EFEMP1: variants seen among roughly 807,000 people sequenced by gnomAD.
The protein encoded by EFEMP1 is EGF-like fibulin extracellular matrix protein 1.
In EFEMP1, 18 loss-of-function variants were observed where a neutral mutation model predicts 65.7. The ratio of observed to expected loss-of-function variants is 0.27; its 90% CI spans 0.19 to 0.41. EFEMP1 has a LOEUF of 0.41. Ranked by LOEUF, EFEMP1 falls within the 10% of genes least tolerant of loss-of-function variation. The pLI is 1.00. For synonymous variants in EFEMP1, 237 were observed against 219.7 expected, an observed-to-expected ratio of 1.08 and a Z score of -0.70; for missense variants, 469 against 624.8, an observed-to-expected ratio of 0.75 and a Z score of 2.66.
intron 5 of EFEMP1, among the ~76,000 whole-genome samples, chr2:55,916,820 G>A (rs975092118): frequency 6.6e-6 from 1 of 152,192 alleles, no homozygotes; most frequent in Non-Finnish European, 1.5e-5. Context: ...CAATCTCATA[G>A]CACAGTTCAG....
chr2:55,899,148 C>T (rs1321487978), intron 5 of EFEMP1, among the ~76,000 whole-genome samples: 1 of 152,228 alleles, frequency 6.6e-6, no homozygotes, highest in Non-Finnish European at 1.5e-5. Flanking sequence ...CTGGTGGCAG[C>T]ACCAATTCCT....
chr2:55,882,329 T>A (rs1311136352), intron 5 of EFEMP1, among the ~76,000 whole-genome samples: 1 of 115,432 alleles, frequency 8.7e-6, no homozygotes, highest in Non-Finnish European at 1.9e-5. Context: ...TATAAATCTT[T>A]CATTGCAAAT....
At chr2:55,909,917 C>A (rs1252751304) in intron 5 of EFEMP1, among the ~76,000 whole-genome samples, 2 of 152,168 alleles carry the variant, frequency 1.3e-5, no homozygotes, top group Non-Finnish European at 2.9e-5. Context: ...TAAGCTACAG[C>A]AGAAAGTGGT....
At position 55,875,128 on chromosome 2, in the gene EFEMP1, ATATATATATATATAAAT is replaced by A. The variant is rs937576890; in HGVS notation, c.881-80_881-64del. On this transcript the variant is annotated intron_variant, in intron 8 of 11. Coordinates refer to ENST00000355426, the MANE Select transcript of EFEMP1 (RefSeq NM_001039348.3). ...AAGTTTGTGCACCACTACTTTGGAT[ATATATATATATATAAAT>A]TATATATATATATAAATTATAAGAT... The A allele has an allele frequency of 6.8e-5, 43 of 635,792 alleles. 1 individual carries two copies. The highest frequency in any genetic ancestry group is 1.6e-4 in the East Asian group (2 of 12,782). 39.4% of individuals were successfully genotyped at this position (635,792 alleles called of 1,614,324 possible).
intron 6 of EFEMP1, among the ~76,000 whole-genome samples, chr2:55,879,719 T>G (rs1056623034): frequency 2.6e-5 from 4 of 152,190 alleles, no homozygotes; most frequent in Admixed American, 6.5e-5. Context: ...ACTTGAAGTG[T>G]GGCCTGCTGA....
intron 5 of EFEMP1, among the ~76,000 whole-genome samples, chr2:55,911,470 T>C (rs538537608): frequency 2.6e-5 from 4 of 151,966 alleles, no homozygotes; most frequent in African/African-American, 9.7e-5. Flanking sequence ...TATAGTTATA[T>C]GTTATATAAC....
At chr2:55,893,924 T>C (rs1374363251) in intron 5 of EFEMP1, among the ~76,000 whole-genome samples, 1 of 152,186 alleles carries the variant, frequency 6.6e-6, no homozygotes, top group Non-Finnish European at 1.5e-5. Context: ...TCCAGATGAA[T>C]GGATACAAGA....
chr2:55,906,079 A>G (rs1670255854), intron 5 of EFEMP1, among the ~76,000 whole-genome samples: 1 of 152,116 alleles, frequency 6.6e-6, no homozygotes, highest in South Asian at 2.1e-4. Context: ...CAGAACTATT[A>G]TTATCTGCTT....
At chr2:55,876,833 G>T in intron 7 of EFEMP1, 91 bp from the exon 8 acceptor site, 1 of 756,420 alleles carries the variant, frequency 1.3e-6, no homozygotes, top group Non-Finnish European at 1.8e-6. Flanking sequence ...TTACTCTTTT[G>T]TACCTACGTC....
intron 5 of EFEMP1, among the ~76,000 whole-genome samples, chr2:55,908,912 C>G (rs1214915820): frequency 6.6e-6 from 1 of 152,098 alleles, no homozygotes. Context: ...CTAGTGTTCC[C>G]AATTACTAGT....
rs141301585 is a variant in EFEMP1 at position 55,919,856 on chromosome 2, T to C, written c.82-1589A>G. On this transcript the variant is annotated intron_variant, in intron 3 of 11. Coordinates refer to ENST00000355426, the MANE Select transcript of EFEMP1 (RefSeq NM_001039348.3). This position sits in a 1 kb window ranked among gnomAD's most constrained non-coding sequence, Gnocchi z 4.5. ...TTCCAACTTTAACATCAGTGCTGAA[T>C]GCTCCACTTATTTTCCTTCCATCTC... is the stretch of plus-strand genomic sequence containing the variant. Among the ~76,000 whole-genome samples, 2 of 152,202 alleles carry C rather than the reference T, an allele frequency of 1.3e-5. No individual in the cohort carries two copies. Among genetic ancestry groups the C allele is most frequent in the African/African-American group, 4.8e-5 (2 of 41,452 alleles).
rs1423114180 is a variant in EFEMP1, at chr2:55,867,271, T to C, written c.1321-37A>G. 8 of 1,603,268 alleles carry C rather than the reference T, an allele frequency of 5.0e-6. No individual in the cohort carries two copies. In the African/African-American group the frequency reaches 8.1e-5, roughly 16 times the overall value. On this transcript the variant is annotated intron_variant, in intron 11 of 11. Transcript: ENST00000355426. This position sits in a 1 kb window ranked among gnomAD's most constrained non-coding sequence, Gnocchi z 4.3. ...GAAAATAGAGAAAGGAAGAGAATAA[T>C]TTTCTTGGATTGGAGTTTCTATGCT...
intron 11 of EFEMP1, among the ~76,000 whole-genome samples, chr2:55,868,517 C>G (rs564598898): frequency 6.6e-6 from 1 of 152,252 alleles, no homozygotes; most frequent in Admixed American, 6.5e-5. Flanking sequence ...ACAATACGTT[C>G]TCTTTTCCAG....
At position 55,922,852 on chromosome 2, in the gene EFEMP1, G is replaced by A. The variant is rs1337842973; in HGVS notation, c.-8+47C>T. The A allele has an allele frequency of 7.8e-6, 9 of 1,155,984 alleles. No homozygotes were observed. The highest frequency in any genetic ancestry group is 3.2e-5 in the African/African-American group (2 of 62,096). The allele number at this position is 1,155,984 out of a possible 1,614,324, so 71.6% of individuals were successfully genotyped here. ...CACCCCGGGGGATGGAGGTGGGGCT[G>A]CAAAACTCTGTTCTCTAGAACGTTA... On this transcript the variant is annotated intron_variant, in intron 2 of 11. Transcript: ENST00000355426. This position sits in a 1 kb window ranked among gnomAD's most constrained non-coding sequence, Gnocchi z 5.5.
chr2:55,867,703 G>T lies in EFEMP1; in HGVS notation c.1321-469C>A, dbSNP rs1218003205. Among the ~76,000 whole-genome samples, 2 of 152,074 alleles carry T rather than the reference G, an allele frequency of 1.3e-5. No individual in the cohort carries two copies. Among genetic ancestry groups the T allele is most frequent in the Non-Finnish European group, 2.9e-5 (2 of 68,000 alleles). The stretch of plus-strand genomic sequence containing the variant: ...ATGCTAAGATATATGAGGTTATGCA[G>T]GGTACGTATGAAGATACATAAAGGT... On this transcript the variant is annotated intron_variant, in intron 11 of 11. Coordinates refer to ENST00000355426, the MANE Select transcript of EFEMP1 (RefSeq NM_001039348.3). The surrounding 1 kb of genome is among the most constrained non-coding windows in gnomAD (Gnocchi z 4.3).
In EFEMP1 at chr2:55,870,887, T is replaced by A. The variant is rs1178619006; in HGVS notation, c.1153A>T (p.Met385Leu). 3 of 1,613,652 alleles carry A rather than the reference T, an allele frequency of 1.9e-6. No individual in the cohort carries two copies. The African/African-American group carries it at 4.0e-5, about 22-fold the overall frequency. Residue 385 changes from methionine to leucine, a missense_variant, in exon 11 of 12, where the codon ATG (methionine) becomes TTG (leucine). By Grantham distance (15) the Met-to-Leu change is conservative (BLOSUM62 2). Coordinates refer to ENST00000355426, the MANE Select transcript of EFEMP1 (RefSeq NM_001039348.3). This position sits in a 1 kb window ranked among gnomAD's most constrained non-coding sequence, Gnocchi z 5.8. Reference protein sequence around the residue: ...NRCVCPVSNAMCRELPQSIVY... With the variant: ...NRCVCPVSNALCRELPQSIVY... The stretch of plus-strand genomic sequence containing the variant: ...ATTGACTGGGGCAGTTCTCGGCACA[T>A]GGCATTTGAGACTGGGCAAACACAT...
At chr2:55,876,770 ATGTATATG>A in intron 7 of EFEMP1, 28 bp from the exon 8 acceptor site, 1 of 1,256,976 alleles carries the variant, frequency 8.0e-7, no homozygotes, top group Non-Finnish European at 1.1e-6. Context: ...ATATATATAT[ATGTATATG>A]TATATATATA....
chr2:55,917,674 C>T lies in EFEMP1; in HGVS notation c.508G>A (p.Val170Met), dbSNP rs930663687. ...AATAAGTTATTCCTACCTTGGCACA[C>T]GTTGTGTTCACTTTGCTCGTAGCCT... ...AAGYEQSEHN[V>M]CQDIDECTAG... is the part of the protein sequence containing the mutation. The change falls in exon 5 of 12, where the codon GTG (valine) becomes ATG (methionine). Residue 170 changes from valine (V) to methionine (M), a missense_variant. Val to Met is a conservative substitution (Grantham distance 21). Around this residue, in one of 3 missense-constraint regions of EFEMP1, gnomAD observed 399 missense variants for 528.2 expected, o/e 0.76. Coordinates refer to ENST00000355426, the MANE Select transcript of EFEMP1 (RefSeq NM_001039348.3). The surrounding 1 kb of genome is among the most constrained non-coding windows in gnomAD (Gnocchi z 6.3). 25 of 1,614,056 alleles carry T rather than the reference C, an allele frequency of 1.5e-5. No individual in the cohort carries two copies. The highest frequency in any genetic ancestry group is 2.0e-5 in the Non-Finnish European group (24 of 1,180,022).
At chr2:55,907,267 A>G (rs1670317361) in intron 5 of EFEMP1, among the ~76,000 whole-genome samples, 1 of 152,214 alleles carries the variant, frequency 6.6e-6, no homozygotes, top group African/African-American at 2.4e-5. Flanking sequence ...ATGCATGTGT[A>G]TAGGCATGTA....
Sources: gnomAD v4.1 joint callset for allele counts (sites outside exome capture counted in the v4.1 genomes callset) on GRCh38, gnomAD v4.1.1 for gene constraint, gnomAD v4.1.1 regional missense constraint, Gnocchi (gnomAD v3.1) non-coding constraint, MANE v1.5 for transcripts, NCBI Gene and HGNC (gene_info 2026-07-23, HGNC 2026-07-21) for gene names.